Variants in FOXP2 observed in about 807,000 individuals in gnomAD.
The protein encoded by FOXP2 is forkhead box protein P2.
Under a neutral mutation model 115.8 loss-of-function variants are expected in FOXP2, and 12 were observed. The ratio of observed to expected loss-of-function variants is 0.10; its 90% confidence interval spans 0.07 to 0.17. The LOEUF (loss-of-function observed/expected upper bound fraction) is 0.17, where lower values mean the gene tolerates loss of function less well. FOXP2 is among the 10% of genes least tolerant of loss of function. FOXP2 has a pLI of 1.00. For missense variants in FOXP2, 629 were observed against 843.5 expected (o/e 0.75, Z 3.15); for synonymous variants, 328 against 297.7 (o/e 1.10, Z -1.05).
chr7:114,096,084 G>GACATATACATCATGCA (rs1444042946), intron 1 of FOXP2, among the ~76,000 whole-genome samples: 1 of 152,090 alleles, frequency 6.6e-6, no homozygotes, highest in African/African-American at 2.4e-5. Context: ...CCCATCACGT[G>GACATATACATCATGCA]ACATATACAT....
At chr7:114,484,781 T>A (rs1490434696) in intron 2 of FOXP2, among the ~76,000 whole-genome samples, 1 of 151,972 alleles carries the variant, frequency 6.6e-6, no homozygotes, top group Non-Finnish European at 1.5e-5. Flanking sequence ...GTTTTAGATA[T>A]CACAAGTTGC....
At chr7:114,489,350 A>G (rs1444088796) in intron 2 of FOXP2, among the ~76,000 whole-genome samples, 4 of 152,150 alleles carry the variant, frequency 2.6e-5, no homozygotes, top group Admixed American at 6.6e-5. Context: ...ACTAGAAATA[A>G]AACAATAAGG....
intron 2 of FOXP2, among the ~76,000 whole-genome samples, chr7:114,321,252 G>A (rs1251714162): frequency 6.6e-6 from 1 of 151,738 alleles, no homozygotes; most frequent in African/African-American, 2.4e-5. Context: ...AGGCTGGAGT[G>A]CAGTGGTGCT....
chr7:114,234,694 G>T (rs1372958187), intron 1 of FOXP2, among the ~76,000 whole-genome samples: 2 of 152,210 alleles, frequency 1.3e-5, no homozygotes, highest in African/African-American at 4.8e-5. Context: ...TAGTAGCAGA[G>T]CCAGGATTTC....
intron 3 of FOXP2, among the ~76,000 whole-genome samples, chr7:114,552,053 T>C (rs751305145): frequency 6.6e-5 from 10 of 152,242 alleles, no homozygotes; most frequent in Non-Finnish European, 1.2e-4. Flanking sequence ...CCACTGATAC[T>C]GTTAACACAT....
At chr7:114,456,873 C>T (rs142311639) in intron 2 of FOXP2, among the ~76,000 whole-genome samples, 1 of 151,596 alleles carries the variant, frequency 6.6e-6, no homozygotes, top group East Asian at 1.9e-4. Flanking sequence ...CATTTTGGAA[C>T]AGCATAGATG....
intron 3 of FOXP2, among the ~76,000 whole-genome samples, chr7:114,617,301 A>G (rs1425552681): frequency 6.6e-6 from 1 of 152,208 alleles, no homozygotes; most frequent in Non-Finnish European, 1.5e-5. Flanking sequence ...CAGTTTCTAC[A>G]TATAATAAAG....
At chr7:114,458,330 A>C (rs908065011) in intron 2 of FOXP2, among the ~76,000 whole-genome samples, 1 of 152,024 alleles carries the variant, frequency 6.6e-6, no homozygotes, top group Non-Finnish European at 1.5e-5. Context: ...AAGAATTTGC[A>C]TAATCTTGTG....
At chr7:114,456,301 C>A (rs914756041) in intron 2 of FOXP2, among the ~76,000 whole-genome samples, 3 of 152,132 alleles carry the variant, frequency 2.0e-5, no homozygotes, top group African/African-American at 7.2e-5. Context: ...TAGAGCCCTG[C>A]GGTGTAATCA....
chr7:114,306,180 C>T (rs1291845251), intron 2 of FOXP2, among the ~76,000 whole-genome samples: 2 of 152,114 alleles, frequency 1.3e-5, no homozygotes, highest in Non-Finnish European at 2.9e-5. Context: ...ACCCTACTTA[C>T]GTGTAATAAG....
At chr7:114,492,721 T>G (rs2129245211) in intron 2 of FOXP2, among the ~76,000 whole-genome samples, 1 of 152,318 alleles carries the variant, frequency 6.6e-6, no homozygotes, top group East Asian at 1.9e-4. Flanking sequence ...GTTGAGCAGT[T>G]TTGAGTGAGT....
chr7:114,207,607 T>C (rs1202936876), intron 1 of FOXP2, among the ~76,000 whole-genome samples: 5 of 152,242 alleles, frequency 3.3e-5, no homozygotes, highest in Non-Finnish European at 7.3e-5. Context: ...CTATTGGACC[T>C]ACTTAATTTG....
chr7:114,399,114 C>CTTTTTTTTTTTTT (rs66789053), intron 2 of FOXP2, among the ~76,000 whole-genome samples: 1 of 141,406 alleles, frequency 7.1e-6, no homozygotes, highest in Non-Finnish European at 1.5e-5. Flanking sequence ...TTTTCTTTTT[C>CTTTTTTTTTTTTT]TTTTTTTTTT....
chr7:114,317,959 C>T (rs547308252), intron 2 of FOXP2, among the ~76,000 whole-genome samples: 21 of 152,238 alleles, frequency 1.4e-4, no homozygotes, highest in Middle Eastern at 3.4e-3. Flanking sequence ...ATCTGCATGG[C>T]TAACTCCCAT....
At chr7:114,207,766 T>A (rs904061344) in intron 1 of FOXP2, among the ~76,000 whole-genome samples, 4 of 152,242 alleles carry the variant, frequency 2.6e-5, no homozygotes, top group Non-Finnish European at 4.4e-5. Flanking sequence ...AACAGTTTTT[T>A]GAATTTGTCT....
chr7:114,146,707 G>A (rs887337681), intron 1 of FOXP2, among the ~76,000 whole-genome samples: 1 of 152,154 alleles, frequency 6.6e-6, no homozygotes, highest in African/African-American at 2.4e-5. Context: ...ATATAAATTT[G>A]TCATGGCATA....
At position 114,435,888 on chromosome 7, in the gene FOXP2, T is replaced by A. The variant is rs1351789828; in HGVS notation, c.168+9209T>A. On this transcript the variant is annotated intron_variant, in intron 2 of 16. Transcript: ENST00000350908. ...GCAGGTGTTAGATAGCCGTTAAAGA[T>A]TTTTTTTAGTGGAAAATGATGGCAG... Among the ~76,000 whole-genome samples, 5 of 149,672 alleles carry A rather than the reference T, an allele frequency of 3.3e-5. No individual in the cohort carries two copies. In the East Asian group the frequency reaches 7.7e-4, roughly 23 times the overall value.
chr7:114,521,402 G>A (rs753213939), intron 2 of FOXP2, among the ~76,000 whole-genome samples: 85 of 151,826 alleles, frequency 5.6e-4, no homozygotes, highest in Non-Finnish European at 5.1e-4. Context: ...GGGTATGGTA[G>A]CATGCCTCTA....
At chr7:114,323,455 A>T (rs1797478951) in intron 2 of FOXP2, among the ~76,000 whole-genome samples, 1 of 152,044 alleles carries the variant, frequency 6.6e-6, no homozygotes, top group Non-Finnish European at 1.5e-5. Context: ...GGGAGGATGC[A>T]TTAATAGATT....
Sources: allele counts gnomAD v4.1 joint callset (sites outside exome capture counted in the v4.1 genomes callset), GRCh38; gene constraint gnomAD v4.1.1; transcripts MANE v1.5; gene names NCBI Gene and HGNC (gene_info 2026-07-23, HGNC 2026-07-21).